Variants in NOS1AP observed in about 807,000 individuals in gnomAD.
NOS1AP encodes nitric oxide synthase 1 adaptor protein, also known as carboxyl-terminal PDZ ligand of neuronal nitric oxide synthase protein.
In NOS1AP, 21 loss-of-function variants were observed where a neutral mutation model predicts 56.2. That is an observed-to-expected ratio of 0.37 (90% CI 0.26 to 0.54). NOS1AP has a LOEUF of 0.54. Among genes scored for constraint, NOS1AP ranks in the 20% least tolerant of loss-of-function variants. NOS1AP has a pLI of 0.84. For synonymous variants in NOS1AP, 270 were observed against 274.6 expected, an observed-to-expected ratio of 0.98 and a Z score of 0.17; for missense variants, 522 against 657.8, an observed-to-expected ratio of 0.79 and a Z score of 2.26.
intron 2 of NOS1AP, among the ~76,000 whole-genome samples, chr1:162,187,145 T>A (rs1279695808): frequency 6.6e-6 from 1 of 152,090 alleles, no homozygotes; most frequent in African/African-American, 2.4e-5. Flanking sequence ...TTTTGTATTT[T>A]TTGTAAAGAT....
At chr1:162,215,665 T>G (rs1652545057) in intron 2 of NOS1AP, among the ~76,000 whole-genome samples, 1 of 152,198 alleles carries the variant, frequency 6.6e-6, no homozygotes, top group South Asian at 2.1e-4. Flanking sequence ...GGCCCTTTAG[T>G]GTGTCATCCA....
chr1:162,223,812 A>G (rs1322675540), intron 2 of NOS1AP, among the ~76,000 whole-genome samples: 1 of 152,208 alleles, frequency 6.6e-6, no homozygotes, highest in Non-Finnish European at 1.5e-5. Context: ...TTTGAAGGAA[A>G]AAGCCAAAAG....
chr1:162,254,559 A>G (rs1369726017), intron 2 of NOS1AP, among the ~76,000 whole-genome samples: 1 of 152,162 alleles, frequency 6.6e-6, no homozygotes, highest in African/African-American at 2.4e-5. Context: ...CATGTTGGCC[A>G]TTTTAGGGTA....
At chr1:162,273,873 A>G (rs1290240405) in intron 2 of NOS1AP, among the ~76,000 whole-genome samples, 1 of 152,182 alleles carries the variant, frequency 6.6e-6, no homozygotes, top group Non-Finnish European at 1.5e-5. Flanking sequence ...TTCTGTAACA[A>G]TACTGTATCA....
At chr1:162,105,063 T>A (rs1210206733) in intron 1 of NOS1AP, among the ~76,000 whole-genome samples, 1 of 152,218 alleles carries the variant, frequency 6.6e-6, no homozygotes, top group East Asian at 1.9e-4. Context: ...ATTTTTGAGG[T>A]TGCTGACCTT....
chr1:162,340,351 C>T (rs978114719), intron 5 of NOS1AP, among the ~76,000 whole-genome samples: 1 of 152,222 alleles, frequency 6.6e-6, no homozygotes, highest in South Asian at 2.1e-4. Flanking sequence ...ATCCATTTGG[C>T]TCAGGAATTT....
At chr1:162,223,436 G>T (rs191877409) in intron 2 of NOS1AP, among the ~76,000 whole-genome samples, 1 of 152,022 alleles carries the variant, frequency 6.6e-6, no homozygotes, top group Non-Finnish European at 1.5e-5. Flanking sequence ...GGGGTGGGGT[G>T]GGGGAGCTCT....
chr1:162,325,648 C>A (rs575774841), intron 4 of NOS1AP, among the ~76,000 whole-genome samples: 1 of 152,260 alleles, frequency 6.6e-6, no homozygotes, highest in South Asian at 2.1e-4. Flanking sequence ...CCTCATTTAT[C>A]TGGTCTTGAG....
intron 2 of NOS1AP, among the ~76,000 whole-genome samples, chr1:162,209,387 A>G (rs1325591847): frequency 6.6e-6 from 1 of 152,152 alleles, no homozygotes; most frequent in Admixed American, 6.5e-5. Context: ...TAGAAGGGCG[A>G]TAGGATAGCA....
At chr1:162,281,780 T>G (rs1385315836) in intron 2 of NOS1AP, among the ~76,000 whole-genome samples, 2 of 152,180 alleles carry the variant, frequency 1.3e-5, no homozygotes, top group Non-Finnish European at 2.9e-5. Context: ...ACATGGTGTT[T>G]TAGATTTTGC....
At chr1:162,132,034 T>A (rs969466912) in intron 1 of NOS1AP, among the ~76,000 whole-genome samples, 4 of 152,242 alleles carry the variant, frequency 2.6e-5, no homozygotes, top group Non-Finnish European at 5.9e-5. Context: ...TTTAAATGAC[T>A]ATCAAGAAAT....
At chr1:162,233,620 T>C (rs533586968) in intron 2 of NOS1AP, among the ~76,000 whole-genome samples, 1 of 152,298 alleles carries the variant, frequency 6.6e-6, no homozygotes, top group African/African-American at 2.4e-5. Context: ...TTTCCCCCAA[T>C]AACCATCAAC....
At chr1:162,254,411 G>A (rs1200750829) in intron 2 of NOS1AP, among the ~76,000 whole-genome samples, 1 of 152,122 alleles carries the variant, frequency 6.6e-6, no homozygotes, top group Non-Finnish European at 1.5e-5. Flanking sequence ...ACTGTCCCAT[G>A]TGACTAACCC....
At chr1:162,107,804 G>GTA (rs1647570529) in intron 1 of NOS1AP, among the ~76,000 whole-genome samples, 1 of 152,140 alleles carries the variant, frequency 6.6e-6, no homozygotes, top group African/African-American at 2.4e-5. Flanking sequence ...CTATCGGCGT[G>GTA]TATCATAAAG....
chr1:162,223,392 A>G (rs965922708), intron 2 of NOS1AP, among the ~76,000 whole-genome samples: 2 of 152,170 alleles, frequency 1.3e-5, no homozygotes, highest in Admixed American at 6.5e-5. Flanking sequence ...GAAAGCAGCT[A>G]TAGAATAGAT....
chr1:162,121,414 C>T (rs987146457), intron 1 of NOS1AP, among the ~76,000 whole-genome samples: 12 of 152,124 alleles, frequency 7.9e-5, no homozygotes, highest in African/African-American at 2.9e-4. Context: ...TCACCGTGCC[C>T]GGCCTTGGAG....
chr1:162,296,810 G>A (rs1655481027), intron 3 of NOS1AP, among the ~76,000 whole-genome samples: 1 of 152,188 alleles, frequency 6.6e-6, no homozygotes. Context: ...CGCAAGCCTT[G>A]GAAGAAACAT....
At chr1:162,330,233 T>C (rs1656722096) in intron 4 of NOS1AP, among the ~76,000 whole-genome samples, 1 of 152,240 alleles carries the variant, frequency 6.6e-6, no homozygotes. Flanking sequence ...GCCAGGCAGA[T>C]CACATTATAG....
chr1:162,156,604 C>A (rs1649986916), intron 2 of NOS1AP, among the ~76,000 whole-genome samples: 1 of 152,006 alleles, frequency 6.6e-6, no homozygotes, highest in African/African-American at 2.4e-5. Flanking sequence ...AAAAAAAGTC[C>A]CTTTTTAATT....
Sources: gnomAD v4.1 joint callset for allele counts (sites outside exome capture counted in the v4.1 genomes callset) on GRCh38, gnomAD v4.1.1 for gene constraint, MANE v1.5 for transcripts, NCBI Gene and HGNC (gene_info 2026-07-23, HGNC 2026-07-21) for gene names.